CCDC57: variants seen among roughly 807,000 people sequenced by gnomAD.
CCDC57 encodes coiled-coil domain containing 57.
CCDC57 carries 118 observed loss-of-function variants against 118.9 expected under a neutral mutation model. The ratio of observed to expected loss-of-function variants is 0.99; its 90% CI spans 0.86 to 1.16. The LOEUF is 1.16. Ranked by LOEUF, CCDC57 falls within the 50% of genes most tolerant of loss-of-function variation. CCDC57 has a pLI of 0.00. For synonymous variants in CCDC57, 527 were observed against 532.9 expected, an observed-to-expected ratio of 0.99 and a Z score of 0.15; for missense variants, 1,300 against 1,320.7, an observed-to-expected ratio of 0.98 and a Z score of 0.24.
At chr17:82,103,834 GGGGC>G (rs1305988313) in intron 19 of CCDC57, among the ~76,000 whole-genome samples, 1,482 of 70,444 alleles carry the variant, frequency 0.021, 22 homozygotes, top group African/African-American at 0.083. Flanking sequence ...GGGGCAGGGA[GGGGC>G]AGGGAGGGGC....
intron 7 of CCDC57, among the ~76,000 whole-genome samples, chr17:82,188,935 ACAC>A (rs2047316425): frequency 6.6e-6 from 1 of 152,216 alleles, no homozygotes; most frequent in East Asian, 1.9e-4. Context: ...CTTATAGGCC[ACAC>A]CACTTTGCCT....
chr17:82,135,725 T>C (rs971910406), intron 16 of CCDC57, among the ~76,000 whole-genome samples: 2 of 152,148 alleles, frequency 1.3e-5, no homozygotes, highest in African/African-American at 4.8e-5. Context: ...AAGCCCACTA[T>C]GGGATCCCGC....
intron 13 of CCDC57, among the ~76,000 whole-genome samples, chr17:82,167,493 G>A (rs1461863795): frequency 2.0e-5 from 3 of 152,056 alleles, no homozygotes; most frequent in Non-Finnish European, 4.4e-5. Flanking sequence ...TGGGATCACA[G>A]GTGTCCACCA....
chr17:82,162,334 C>A, intron 14 of CCDC57, among the ~76,000 whole-genome samples: 1 of 152,100 alleles, frequency 6.6e-6, no homozygotes, highest in East Asian at 1.9e-4. Context: ...AAAGCCAAAA[C>A]GATGTTAGGA....
chr17:82,202,770 T>TA (rs1471106424), intron 2 of CCDC57, among the ~76,000 whole-genome samples: 3 of 151,292 alleles, frequency 2.0e-5, no homozygotes, highest in East Asian at 1.9e-4. Flanking sequence ...AAAAATAAAT[T>TA]AAAAAAAAGA....
At chr17:82,200,992 G>A (rs1326189148) in intron 3 of CCDC57, among the ~76,000 whole-genome samples, 2 of 152,154 alleles carry the variant, frequency 1.3e-5, no homozygotes. Context: ...GGGGATGGAA[G>A]AGCTTATCAG....
intron 19 of CCDC57, chr17:82,127,455 A>C: frequency 1.0e-6 from 1 of 985,234 alleles, no homozygotes; most frequent in East Asian, 1.1e-4. Context: ...GCCCGGGTGT[A>C]CGGTGCTGCA....
intron 16 of CCDC57, among the ~76,000 whole-genome samples, chr17:82,144,663 T>C (rs2040469428): frequency 6.6e-6 from 1 of 152,214 alleles, no homozygotes; most frequent in South Asian, 2.1e-4. Flanking sequence ...GCAAAAGTTA[T>C]TACTTCCAAC....
intron 16 of CCDC57, among the ~76,000 whole-genome samples, chr17:82,151,077 AC>A (rs1166215611): frequency 3.8e-5 from 4 of 104,238 alleles, no homozygotes; most frequent in Non-Finnish European, 6.2e-5. Flanking sequence ...CCAGGCGCAC[AC>A]TCAGAACCTG....
At chr17:82,167,611 A>G (rs1393585873) in intron 13 of CCDC57, among the ~76,000 whole-genome samples, 1 of 152,054 alleles carries the variant, frequency 6.6e-6, no homozygotes, top group Non-Finnish European at 1.5e-5. Context: ...TCAGCTTCCC[A>G]AAGTGCTGGG....
intron 16 of CCDC57, among the ~76,000 whole-genome samples, chr17:82,150,082 T>A (rs1404785182): frequency 1.9e-5 from 1 of 52,682 alleles, no homozygotes. Flanking sequence ...CAGAACCTGG[T>A]GCACACCCAG....
At chr17:82,166,195 T>C (rs529263348) in intron 13 of CCDC57, among the ~76,000 whole-genome samples, 1 of 151,672 alleles carries the variant, frequency 6.6e-6, no homozygotes, top group Non-Finnish European at 1.5e-5. Context: ...AACACCAAGA[T>C]GACACAGACA....
chr17:82,109,233 A>C (rs2035077644), intron 19 of CCDC57, among the ~76,000 whole-genome samples: 1 of 152,208 alleles, frequency 6.6e-6, no homozygotes, highest in African/African-American at 2.4e-5. Flanking sequence ...AGCGCCCCGC[A>C]GGAGAGCTCA....
intron 1 of CCDC57, among the ~76,000 whole-genome samples, chr17:82,211,550 A>ATTT (rs11370590): frequency 1.4e-5 from 2 of 145,090 alleles, no homozygotes; most frequent in African/African-American, 2.6e-5. Flanking sequence ...GTTACAGATA[A>ATTT]TTTTTTTTTT....
chr17:82,200,795 A>G (rs1599438470), intron 3 of CCDC57, among the ~76,000 whole-genome samples: 1 of 151,506 alleles, frequency 6.6e-6, no homozygotes, highest in African/African-American at 2.4e-5. Flanking sequence ...ACTCTGTCTC[A>G]AAAAAAAAGA....
intron 9 of CCDC57, among the ~76,000 whole-genome samples, chr17:82,180,069 T>A (rs1388625876): frequency 1.3e-5 from 2 of 152,192 alleles, no homozygotes; most frequent in Admixed American, 6.5e-5. Context: ...GAGACTCTCC[T>A]GCTGGCCTCA....
At chr17:82,135,225 C>G (rs1312045321) in intron 16 of CCDC57, 1 of 152,216 alleles carries the variant, frequency 6.6e-6, no homozygotes, top group African/African-American at 2.4e-5. Context: ...GCCTCAGCCT[C>G]CCAAGTAGCT....
intron 19 of CCDC57, among the ~76,000 whole-genome samples, chr17:82,125,308 C>T (rs1178509613): frequency 1.3e-5 from 2 of 151,840 alleles, no homozygotes; most frequent in Non-Finnish European, 2.9e-5. Flanking sequence ...GAGGCTGAAG[C>T]GGGAGGATCG....
At chr17:82,198,357 C>G in exon 4 of CCDC57, 1 of 1,613,772 alleles carries the variant, frequency 6.2e-7, no homozygotes. Flanking sequence ...CTCAAGTTTT[C>G]TCTCCAGTGT....
Sources: gnomAD v4.1 joint callset for allele counts (sites outside exome capture counted in the v4.1 genomes callset) on GRCh38, gnomAD v4.1.1 for gene constraint, MANE v1.5 for transcripts, NCBI Gene and HGNC (gene_info 2026-07-23, HGNC 2026-07-21) for gene names.